CHCT1: variants seen among roughly 807,000 people sequenced by gnomAD.
The protein encoded by CHCT1 is CHD1 helical C-terminal domain containing protein 1.
the CHCT1 span, chr17:60,425,901 C>G: frequency 2.4e-3 from 3,613 of 1,532,690 alleles, 58 homozygotes; most frequent in Admixed American, 0.041. Flanking sequence ...AAAGAGCCAG[C>G]CTGGAACCCT....
the CHCT1 span, among the ~76,000 whole-genome samples, chr17:60,425,420 T>C: frequency 1.1e-4 from 16 of 152,316 alleles, no homozygotes; most frequent in African/African-American, 3.8e-4. Flanking sequence ...TTTTGCTGTC[T>C]CTATATATTG....
At chr17:60,425,971 C>T in the CHCT1 span, 1 of 1,310,006 alleles carries the variant, frequency 7.6e-7, no homozygotes, top group South Asian at 1.3e-5. Context: ...CTCAGACCCA[C>T]AGCGCATTGC....
At chr17:60,423,614 C>A in the CHCT1 span, among the ~76,000 whole-genome samples, 1 of 152,092 alleles carries the variant, frequency 6.6e-6, no homozygotes, top group Non-Finnish European at 1.5e-5. Context: ...CAGGCACGTG[C>A]CACCACACTT....
the CHCT1 span, chr17:60,422,577 C>G: frequency 9.7e-6 from 15 of 1,549,612 alleles, no homozygotes; most frequent in Admixed American, 3.9e-5. Context: ...TGGAGCCTAC[C>G]GGCACACCTG....
chr17:60,426,136 C>G, the CHCT1 span: 36 of 1,549,542 alleles, frequency 2.3e-5, no homozygotes, highest in Admixed American at 3.0e-4. Context: ...CCCATGGCCC[C>G]TCACCTCACC....
chr17:60,422,737 A>T, the CHCT1 span: 5 of 1,307,784 alleles, frequency 3.8e-6, no homozygotes, highest in Non-Finnish European at 5.2e-6. Flanking sequence ...GAAGAGAAGA[A>T]CAATGATAGG....
chr17:60,426,645 G>T, the CHCT1 span: 1 of 1,546,728 alleles, frequency 6.5e-7, no homozygotes, highest in South Asian at 1.2e-5. Flanking sequence ...GGTGGGTCCT[G>T]ACCCTGAGAC....
At chr17:60,429,696 T>C in the CHCT1 span, 1 of 715,282 alleles carries the variant, frequency 1.4e-6, no homozygotes, top group Non-Finnish European at 2.2e-6. Context: ...CCTTTCCATC[T>C]TCTCTTCATC....
chr17:60,421,267 TAAC>T, the CHCT1 span: 2 of 743,118 alleles, frequency 2.7e-6, no homozygotes, highest in Non-Finnish European at 3.3e-6. Context: ...ACGACAACAA[TAAC>T]AACAAGACGT....
the CHCT1 span, among the ~76,000 whole-genome samples, chr17:60,425,560 G>A: frequency 2.6e-5 from 4 of 152,210 alleles, no homozygotes; most frequent in Non-Finnish European, 4.4e-5. Context: ...AGAATATGCT[G>A]TGATTATTAT....
the CHCT1 span, chr17:60,426,727 G>A: frequency 6.2e-7 from 1 of 1,610,724 alleles, no homozygotes; most frequent in Non-Finnish European, 8.5e-7. Flanking sequence ...GGATGCTCTG[G>A]CGGTTCATCT....
the CHCT1 span, chr17:60,421,876 C>A: frequency 1.0e-6 from 1 of 985,472 alleles, no homozygotes; most frequent in Non-Finnish European, 1.2e-6. Flanking sequence ...ACGGGACTTG[C>A]CCGCGTCTCA....
the CHCT1 span, chr17:60,421,715 G>C: frequency 3.7e-6 from 3 of 801,694 alleles, no homozygotes; most frequent in Non-Finnish European, 4.5e-6. Flanking sequence ...GGCCCTGCCC[G>C]GCCAACTCAG....
the CHCT1 span, chr17:60,426,457 G>A: frequency 2.1e-5 from 25 of 1,189,918 alleles, no homozygotes; most frequent in East Asian, 6.4e-4. Context: ...TCAAGAGCCT[G>A]AGGGGATGGA....
the CHCT1 span, chr17:60,422,339 C>A: frequency 3.4e-6 from 3 of 880,400 alleles, no homozygotes; most frequent in Non-Finnish European, 4.8e-6. Flanking sequence ...AGTCTTCGCT[C>A]GACCCCGCAC....
At chr17:60,424,656 G>A in the CHCT1 span, among the ~76,000 whole-genome samples, 2 of 152,024 alleles carry the variant, frequency 1.3e-5, no homozygotes, top group Non-Finnish European at 2.9e-5. Flanking sequence ...AGCCGAGGTG[G>A]GTGGATCACT....
At chr17:60,429,487 C>T in the CHCT1 span, 272 of 1,614,240 alleles carry the variant, frequency 1.7e-4, no homozygotes, top group African/African-American at 3.3e-3. Flanking sequence ...AGCGGCTGTC[C>T]AACATGCAGA....
chr17:60,428,971 C>T, the CHCT1 span, among the ~76,000 whole-genome samples: 2 of 150,362 alleles, frequency 1.3e-5, no homozygotes, highest in African/African-American at 4.9e-5. Context: ...GGCGTGATCT[C>T]GGCTCACTGC....
the CHCT1 span, among the ~76,000 whole-genome samples, chr17:60,427,430 T>G: frequency 6.6e-6 from 1 of 152,010 alleles, no homozygotes; most frequent in Non-Finnish European, 1.5e-5. Flanking sequence ...CTAGTCTTTT[T>G]TTTTTGATAT....
Sources: gnomAD v4.1 joint callset for allele counts (sites outside exome capture counted in the v4.1 genomes callset) on GRCh38, gnomAD v4.1.1 for gene constraint, MANE v1.5 for transcripts, NCBI Gene and HGNC (gene_info 2026-07-23, HGNC 2026-07-21) for gene names.